AFF3: variants seen among roughly 807,000 people sequenced by gnomAD.
AFF3 encodes the protein ALF transcription elongation factor 3.
AFF3 carries 32 observed loss-of-function variants against 129.7 expected under a neutral mutation model. The ratio of observed to expected loss-of-function variants is 0.25; its 90% CI spans 0.19 to 0.33. AFF3 has a LOEUF of 0.33. AFF3 is among the 10% of genes least tolerant of loss of function. The pLI, the probability that AFF3 is intolerant of heterozygous loss-of-function variation, is 1.00. For synonymous variants in AFF3, 644 were observed against 635.4 expected (o/e 1.01, Z -0.20); for missense variants, 1,373 against 1,592.0 (o/e 0.86, Z 2.34).
chr2:100,111,491 T>C (rs770006145), intron 2 of AFF3, among the ~76,000 whole-genome samples: 2 of 152,246 alleles, frequency 1.3e-5, no homozygotes, highest in African/African-American at 2.4e-5. Flanking sequence ...TTCCATATTA[T>C]TTGTTTCTTT....
intron 12 of AFF3, among the ~76,000 whole-genome samples, chr2:99,650,579 A>T (rs1199801644): frequency 2.0e-5 from 3 of 152,010 alleles, no homozygotes; most frequent in African/African-American, 7.3e-5. Context: ...TAAATAAAAT[A>T]AAAAAATTTA....
intron 7 of AFF3, among the ~76,000 whole-genome samples, chr2:99,857,861 G>C (rs1057491151): frequency 3.3e-5 from 5 of 152,116 alleles, no homozygotes; most frequent in Non-Finnish European, 7.3e-5. Context: ...TCTCATTAAT[G>C]ACTTTTTTCC....
intron 13 of AFF3, among the ~76,000 whole-genome samples, chr2:99,634,769 C>T (rs1161104487): frequency 1.3e-5 from 2 of 151,436 alleles, no homozygotes; most frequent in African/African-American, 4.9e-5. Flanking sequence ...TATTTAAGTG[C>T]AGAACACAGA....
rs548256307 is a variant in AFF3, at chr2:99,682,126, C to T, written c.1092-9537G>A. On this transcript the variant is annotated intron_variant, in intron 11 of 24. Coordinates refer to ENST00000672756, the MANE Select transcript of AFF3 (RefSeq NM_001386135.1). The stretch of plus-strand genomic sequence containing the variant: ...TTTGCCATGTTGACCAGGCTGGTCT[C>T]GAACTCCTGACCTCAGGTGATCTGC... Among the ~76,000 whole-genome samples the T allele has an allele frequency of 1.4e-4, 22 of 152,064 alleles. 1 individual carries two copies. Among genetic ancestry groups the T allele is most frequent in the African/African-American group, 1.7e-4 (7 of 41,486 alleles).
intron 8 of AFF3, among the ~76,000 whole-genome samples, chr2:99,798,304 A>G (rs962474838): frequency 2.0e-5 from 3 of 152,110 alleles, no homozygotes; most frequent in African/African-American, 7.2e-5. Context: ...AAATAACTCA[A>G]TGCAAAAGAA....
At chr2:99,716,435 CCT>C (rs1486707497) in intron 11 of AFF3, among the ~76,000 whole-genome samples, 2 of 152,034 alleles carry the variant, frequency 1.3e-5, no homozygotes, top group Non-Finnish European at 1.5e-5. Context: ...CATTAGTTCG[CCT>C]CTTTCTACTG....
intron 1 of AFF3, among the ~76,000 whole-genome samples, chr2:100,130,943 C>G (rs1284037306): frequency 6.6e-6 from 1 of 152,108 alleles, no homozygotes; most frequent in East Asian, 1.9e-4. Context: ...TAACTGCAGG[C>G]CAGACAACAA....
intron 19 of AFF3, among the ~76,000 whole-genome samples, chr2:99,567,886 A>ATT (rs1201255908): frequency 1.3e-5 from 2 of 152,216 alleles, no homozygotes; most frequent in East Asian, 3.9e-4. Context: ...CTCTTCTCCA[A>ATT]GAGTGGCCAT....
At chr2:99,637,842 A>G (rs1178539531) in intron 13 of AFF3, among the ~76,000 whole-genome samples, 1 of 152,236 alleles carries the variant, frequency 6.6e-6, no homozygotes, top group Admixed American at 6.5e-5. Context: ...AAATTTAAAT[A>G]TAAGTTAAAT....
At chr2:99,566,970 C>CTT (rs755875614) in intron 19 of AFF3, among the ~76,000 whole-genome samples, 4 of 140,844 alleles carry the variant, frequency 2.8e-5, no homozygotes, top group African/African-American at 2.6e-5. Flanking sequence ...TTTCTTTTTT[C>CTT]TTTTTTTTTT....
intron 4 of AFF3, among the ~76,000 whole-genome samples, chr2:100,064,659 C>T (rs958862451): frequency 6.6e-6 from 1 of 152,170 alleles, no homozygotes; most frequent in Non-Finnish European, 1.5e-5. Flanking sequence ...TATCTCTCAC[C>T]ATTTGCTTTC....
intron 7 of AFF3, among the ~76,000 whole-genome samples, chr2:99,992,530 A>G (rs1680448447): frequency 6.6e-6 from 1 of 152,262 alleles, no homozygotes; most frequent in Non-Finnish European, 1.5e-5. Flanking sequence ...GGGCACAATT[A>G]TCGAACCAGA....
At chr2:99,987,031 C>G (rs950415932) in intron 7 of AFF3, among the ~76,000 whole-genome samples, 14 of 152,154 alleles carry the variant, frequency 9.2e-5, no homozygotes, top group African/African-American at 3.1e-4. Flanking sequence ...AACGTAATCA[C>G]ACACACTTTG....
At position 99,601,566 on chromosome 2, in the gene AFF3, T is replaced by C. The variant is rs1679842031; in HGVS notation, c.1240A>G (p.Ser414Gly). ...RTSVPSSKGS[S>G]SSSSSGSSSS... is the part of the protein sequence containing the mutation. ...CTGCTGCCGCTGCTGCTGCTGCTGC[T>C]GCTGCCCTTGCTGGAAGGCACCGAG... The change falls in exon 14 of 25, where the codon AGC becomes GGC. Residue 414 changes from serine (S) to glycine (G), a missense_variant. Ser to Gly is a moderately conservative substitution (Grantham distance 56). This residue lies in a region of AFF3 where 413 missense variants were observed against 424.4 expected (regional missense o/e 0.97). Transcript: ENST00000672756. 6.2e-7 allele frequency: 1 copy of C among 1,600,844 alleles called. No individual in the cohort carries two copies. The highest frequency in any genetic ancestry group is 8.5e-7 in the Non-Finnish European group (1 of 1,176,386).
At chr2:99,595,062 G>A (rs1046099307) in intron 14 of AFF3, among the ~76,000 whole-genome samples, 1 of 152,192 alleles carries the variant, frequency 6.6e-6, no homozygotes, top group Non-Finnish European at 1.5e-5. Context: ...GGTTGAGGGT[G>A]GGGGGATGGC....
intron 8 of AFF3, among the ~76,000 whole-genome samples, chr2:99,808,094 G>A (rs1400709336): frequency 1.3e-5 from 2 of 152,190 alleles, no homozygotes; most frequent in Non-Finnish European, 2.9e-5. Flanking sequence ...GAGGCTCTGG[G>A]AACCTTAGAA....
chr2:99,809,621 G>A (rs1436859545), intron 8 of AFF3, among the ~76,000 whole-genome samples: 1 of 152,194 alleles, frequency 6.6e-6, no homozygotes, highest in Non-Finnish European at 1.5e-5. Flanking sequence ...CCAGCTGTAG[G>A]GGATGTTCTG....
chr2:99,823,773 A>G (rs1433871985), intron 8 of AFF3, among the ~76,000 whole-genome samples: 3 of 152,266 alleles, frequency 2.0e-5, no homozygotes, highest in Non-Finnish European at 4.4e-5. Flanking sequence ...ACGCAGCCAC[A>G]CAAAAGAATG....
intron 7 of AFF3, among the ~76,000 whole-genome samples, chr2:99,920,395 G>A (rs1371967493): frequency 6.6e-6 from 1 of 151,990 alleles, no homozygotes; most frequent in Non-Finnish European, 1.5e-5. Flanking sequence ...AATCAGCGTA[G>A]TCCAATATAT....
Sources: allele counts gnomAD v4.1 joint callset (sites outside exome capture counted in the v4.1 genomes callset), GRCh38; gene constraint gnomAD v4.1.1; regional missense constraint gnomAD v4.1.1; transcripts MANE v1.5; gene names NCBI Gene and HGNC (gene_info 2026-07-23, HGNC 2026-07-21).